DPP6: variants seen among roughly 807,000 people sequenced by gnomAD.
DPP6 encodes the protein dipeptidyl peptidase like 6, also known as A-type potassium channel modulatory protein DPP6.
Under a neutral mutation model 122.6 loss-of-function variants are expected in DPP6, and 69 were observed. The ratio of observed to expected loss-of-function variants is 0.56; its 90% CI spans 0.46 to 0.69. The LOEUF (loss-of-function observed/expected upper bound fraction) is 0.69. Among genes scored for constraint, DPP6 ranks in the 30% least tolerant of loss-of-function variants. The probability of loss-of-function intolerance (pLI) is 0.00; values close to 1 mark genes in which losing one functional copy is unlikely to be tolerated. For missense variants in DPP6, 928 were observed against 1,116.9 expected (o/e 0.83, Z 2.41); for synonymous variants, 418 against 433.1 (o/e 0.97, Z 0.43).
chr7:154,870,182 A>G (rs1285495068), intron 18 of DPP6, among the ~76,000 whole-genome samples: 6 of 138,006 alleles, frequency 4.3e-5, no homozygotes, highest in Admixed American at 1.6e-4. Flanking sequence ...ACAGGGTCTC[A>G]CTATGTTGCC....
At chr7:154,470,548 T>C (rs557395170) in intron 2 of DPP6, among the ~76,000 whole-genome samples, 2 of 152,346 alleles carry the variant, frequency 1.3e-5, no homozygotes, top group East Asian at 3.9e-4. Flanking sequence ...TTAAAATATT[T>C]AGAGAAGGAG....
At chr7:154,595,983 C>A (rs914145769) in intron 5 of DPP6, among the ~76,000 whole-genome samples, 2 of 152,212 alleles carry the variant, frequency 1.3e-5, no homozygotes, top group African/African-American at 4.8e-5. Context: ...ATCGCTTGAA[C>A]CCAGGAGGCA....
intron 1 of DPP6, among the ~76,000 whole-genome samples, chr7:154,342,704 A>G (rs2337884): frequency 0.2 from 30,586 of 152,158 alleles, 6,231 homozygotes; most frequent in African/African-American, 0.53. Flanking sequence ...CAAGCACTGC[A>G]TGGTGAATTT....
At chr7:154,533,471 C>G (rs1828003166) in intron 3 of DPP6, among the ~76,000 whole-genome samples, 1 of 152,070 alleles carries the variant, frequency 6.6e-6, no homozygotes, top group Non-Finnish European at 1.5e-5. Context: ...AAACTTCATG[C>G]CCAGTTGGCT....
chr7:154,249,941 G>T (rs1278683149), intron 1 of DPP6, among the ~76,000 whole-genome samples: 1 of 152,162 alleles, frequency 6.6e-6, no homozygotes, highest in Non-Finnish European at 1.5e-5. Flanking sequence ...TCCACAGGCA[G>T]ACAGCCTGGT....
At chr7:154,789,336 G>A (rs1320373218) in intron 10 of DPP6, among the ~76,000 whole-genome samples, 1 of 152,156 alleles carries the variant, frequency 6.6e-6, no homozygotes, top group Non-Finnish European at 1.5e-5. Flanking sequence ...TTTAGCAAAG[G>A]TTTGACTTTC....
At chr7:154,508,630 A>G (rs1337947902) in intron 3 of DPP6, among the ~76,000 whole-genome samples, 1 of 152,202 alleles carries the variant, frequency 6.6e-6, no homozygotes, top group Admixed American at 6.5e-5. Flanking sequence ...CCAAATGTAG[A>G]ACCAGTGCAT....
chr7:154,105,879 C>T (rs1181932068), intron 1 of DPP6, among the ~76,000 whole-genome samples: 1 of 151,356 alleles, frequency 6.6e-6, no homozygotes, highest in African/African-American at 2.4e-5. Context: ...TTATTAGCAG[C>T]ATGAGAACAG....
chr7:154,326,792 A>G (rs189178978), intron 1 of DPP6, among the ~76,000 whole-genome samples: 36 of 152,368 alleles, frequency 2.4e-4, no homozygotes, highest in Admixed American at 1.8e-3. Context: ...TTCTTAAGGT[A>G]TATGGCAAGT....
At chr7:154,425,383 G>A (rs150049322) in intron 1 of DPP6, among the ~76,000 whole-genome samples, 9 of 152,226 alleles carry the variant, frequency 5.9e-5, no homozygotes, top group African/African-American at 2.2e-4. Flanking sequence ...TCTTCTCTTT[G>A]TAGGTAATTT....
At chr7:153,996,334 T>C (rs1455036365) in intron 1 of DPP6, among the ~76,000 whole-genome samples, 2 of 152,242 alleles carry the variant, frequency 1.3e-5, no homozygotes, top group Non-Finnish European at 2.9e-5. Context: ...TGGAGGTTTT[T>C]ATTAGGCAAC....
chr7:154,292,854 C>A (rs563768179), intron 1 of DPP6, among the ~76,000 whole-genome samples: 1 of 152,254 alleles, frequency 6.6e-6, no homozygotes, highest in African/African-American at 2.4e-5. Flanking sequence ...TAGGAAATAC[C>A]TAAAATATAT....
intron 7 of DPP6, among the ~76,000 whole-genome samples, chr7:154,677,908 G>C (rs1269873159): frequency 6.6e-6 from 1 of 152,202 alleles, no homozygotes; most frequent in Non-Finnish European, 1.5e-5. Context: ...CTTCTGGGTG[G>C]GGTGCGGACT....
At chr7:154,515,370 G>C (rs1319563129) in intron 3 of DPP6, among the ~76,000 whole-genome samples, 2 of 152,120 alleles carry the variant, frequency 1.3e-5, no homozygotes, top group Non-Finnish European at 2.9e-5. Flanking sequence ...CAACAATCAG[G>C]GTCCACCGTG....
At chr7:154,884,023 CAT>C (rs1261107115) in intron 21 of DPP6, 3 of 145,324 alleles carry the variant, frequency 2.1e-5, no homozygotes, top group South Asian at 4.4e-4. Context: ...CACGCTCACA[CAT>C]ACACTCACAC....
At chr7:154,311,897 G>A (rs1343886313) in intron 1 of DPP6, among the ~76,000 whole-genome samples, 2 of 152,182 alleles carry the variant, frequency 1.3e-5, no homozygotes, top group Admixed American at 6.5e-5. Context: ...TAAACAAAAA[G>A]TGTAAGGTGG....
At chr7:154,213,193 C>A (rs73731417) in intron 1 of DPP6, among the ~76,000 whole-genome samples, 5,035 of 152,232 alleles carry the variant, frequency 0.033, 298 homozygotes, top group African/African-American at 0.11. Flanking sequence ...TCCAGACCTG[C>A]AGCTTCAAAA....
intron 1 of DPP6, among the ~76,000 whole-genome samples, chr7:154,252,812 G>A (rs373478983): frequency 6.6e-6 from 1 of 152,244 alleles, no homozygotes; most frequent in Non-Finnish European, 1.5e-5. Context: ...AGCAACTACT[G>A]TCAAAATTGT....
chr7:154,336,467 C>T (rs756597244), intron 1 of DPP6, among the ~76,000 whole-genome samples: 15 of 152,238 alleles, frequency 9.9e-5, no homozygotes, highest in Admixed American at 2.0e-4. Flanking sequence ...CGCAGCCACA[C>T]GGCCGCCACT....
Sources: gnomAD v4.1 joint callset for allele counts (sites outside exome capture counted in the v4.1 genomes callset) on GRCh38, gnomAD v4.1.1 for gene constraint, MANE v1.5 for transcripts, NCBI Gene and HGNC (gene_info 2026-07-23, HGNC 2026-07-21) for gene names.